The following CTNNBL1 variants were observed in gnomAD, a reference collection of about 807,000 sequenced individuals.
The protein encoded by CTNNBL1 is beta-catenin-like protein 1.
In CTNNBL1, 31 loss-of-function variants were observed where a neutral mutation model predicts 72.7. The ratio of observed to expected loss-of-function variants is 0.43; its 90% CI spans 0.32 to 0.58. The LOEUF (loss-of-function observed/expected upper bound fraction) is 0.58. Ranked by LOEUF, CTNNBL1 falls within the 20% of genes least tolerant of loss-of-function variation. The pLI is 0.08. For missense variants in CTNNBL1, 534 were observed against 725.1 expected, an observed-to-expected ratio of 0.74 and a Z score of 3.03; for synonymous variants, 240 against 267.3, an observed-to-expected ratio of 0.90 and a Z score of 1.00.
chr20:37,727,792 T>C (rs1162224535), intron 1 of CTNNBL1, among the ~76,000 whole-genome samples: 1 of 152,180 alleles, frequency 6.6e-6, no homozygotes, highest in Middle Eastern at 3.4e-3. Context: ...AGGCTGTGAG[T>C]GTTACATTCT....
In CTNNBL1 at chr20:37,821,342, G is replaced by T. The variant is rs6021143; in HGVS notation, c.1213+18294G>T. Among the ~76,000 whole-genome samples, 155 of 152,212 alleles carry T rather than the reference G, an allele frequency of 1.0e-3. 2 individuals are homozygous for T. Among genetic ancestry groups the T allele is most frequent in the African/African-American group, 3.5e-3 (146 of 41,526 alleles). Reference sequence around the variant, plus strand: ...AGAACTATGCCTTACGCGTGGGGGTGGATAGGAATCCCTTTTGTCCTTTAT... The same window carrying T: ...AGAACTATGCCTTACGCGTGGGGGTTGATAGGAATCCCTTTTGTCCTTTAT... On this transcript the variant is annotated intron_variant, in intron 11 of 15. Coordinates refer to ENST00000361383, the MANE Select transcript of CTNNBL1 (RefSeq NM_030877.5).
At chr20:37,787,735 T>C (rs1252618099) in intron 10 of CTNNBL1, among the ~76,000 whole-genome samples, 1 of 152,234 alleles carries the variant, frequency 6.6e-6, no homozygotes, top group African/African-American at 2.4e-5. Flanking sequence ...TTAGCCCTTT[T>C]CCTGTTTGTT....
intron 1 of CTNNBL1, among the ~76,000 whole-genome samples, chr20:37,698,243 C>T (rs1015278312): frequency 6.6e-6 from 1 of 152,242 alleles, no homozygotes; most frequent in African/African-American, 2.4e-5. Flanking sequence ...CCTCCTAAGT[C>T]TGCTACTGGA....
intron 1 of CTNNBL1, among the ~76,000 whole-genome samples, chr20:37,724,329 A>G (rs2073065041): frequency 6.6e-6 from 1 of 152,196 alleles, no homozygotes; most frequent in Non-Finnish European, 1.5e-5. Context: ...GGCATTGGGA[A>G]GGAAGAAATA....
intron 1 of CTNNBL1, among the ~76,000 whole-genome samples, chr20:37,732,040 G>C (rs184733060): frequency 9.3e-4 from 141 of 152,158 alleles, no homozygotes; most frequent in South Asian, 6.2e-4. Flanking sequence ...CAGTGCACAG[G>C]GTTCTCTTTT....
chr20:37,730,502 GA>G (rs2073119692), intron 1 of CTNNBL1, among the ~76,000 whole-genome samples: 1 of 152,220 alleles, frequency 6.6e-6, no homozygotes, highest in Non-Finnish European at 1.5e-5. Context: ...AAGGTTTAGA[GA>G]GGTAGGTGAT....
intron 3 of CTNNBL1, among the ~76,000 whole-genome samples, chr20:37,738,902 T>C (rs1011376432): frequency 2.0e-5 from 3 of 152,178 alleles, no homozygotes; most frequent in Non-Finnish European, 4.4e-5. Context: ...GCCAGCGTGG[T>C]CAACTATGTT....
At chr20:37,721,437 A>C (rs1244131357) in intron 1 of CTNNBL1, among the ~76,000 whole-genome samples, 2 of 152,262 alleles carry the variant, frequency 1.3e-5, no homozygotes, top group Non-Finnish European at 2.9e-5. Context: ...CTTAATCAAC[A>C]GTAACAATAT....
chr20:37,870,122 C>T (rs879282632), intron 15 of CTNNBL1, among the ~76,000 whole-genome samples: 1 of 151,934 alleles, frequency 6.6e-6, no homozygotes, highest in Admixed American at 6.6e-5. Context: ...GAGACAAGAA[C>T]ACAAGCCTGC....
chr20:37,813,486 T>G (rs915104407), intron 11 of CTNNBL1, among the ~76,000 whole-genome samples: 2 of 152,238 alleles, frequency 1.3e-5, no homozygotes, highest in Admixed American at 6.5e-5. Context: ...TTTCCGCTAA[T>G]TAGCCCAAAT....
At chr20:37,790,827 A>G (rs1016403119) in intron 10 of CTNNBL1, among the ~76,000 whole-genome samples, 39 of 152,218 alleles carry the variant, frequency 2.6e-4, no homozygotes, top group African/African-American at 6.3e-4. Flanking sequence ...TGCAATATGT[A>G]TAGACCCATC....
chr20:37,749,168 A>G (rs925163111), intron 4 of CTNNBL1, among the ~76,000 whole-genome samples: 2 of 152,224 alleles, frequency 1.3e-5, no homozygotes, highest in African/African-American at 4.8e-5. Flanking sequence ...AGTGCACCTC[A>G]GGTCTTCCTG....
intron 7 of CTNNBL1, among the ~76,000 whole-genome samples, chr20:37,773,820 A>G (rs1421261896): frequency 6.6e-6 from 1 of 151,166 alleles, no homozygotes. Flanking sequence ...TATGAGTTTC[A>G]TGTATTGACT....
At chr20:37,856,864 C>T (rs2235456) in intron 13 of CTNNBL1, among the ~76,000 whole-genome samples, 116,228 of 152,068 alleles carry the variant, frequency 0.76, 44,554 homozygotes, top group East Asian at 0.86. Context: ...GCTTCCCTTA[C>T]CTCCATTTTC....
intron 10 of CTNNBL1, among the ~76,000 whole-genome samples, chr20:37,795,678 T>C (rs1371428942): frequency 6.6e-6 from 1 of 152,214 alleles, no homozygotes; most frequent in Non-Finnish European, 1.5e-5. Context: ...TTTTCTTCTA[T>C]GTTTTTAGTT....
At chr20:37,868,677 G>A (rs766953531) in intron 15 of CTNNBL1, among the ~76,000 whole-genome samples, 6 of 152,164 alleles carry the variant, frequency 3.9e-5, no homozygotes, top group Admixed American at 1.3e-4. Context: ...TCTGTGTACC[G>A]TCGGCATATG....
At position 37,788,894 on chromosome 20, in the gene CTNNBL1, A is replaced by G. The variant is rs145193391; in HGVS notation, c.1031+9559A>G. On this transcript the variant is annotated intron_variant, in intron 10 of 15. Coordinates refer to ENST00000361383, the MANE Select transcript of CTNNBL1 (RefSeq NM_030877.5). The stretch of plus-strand genomic sequence containing the variant: ...TCTCCTCTAGTTTTCCCTGTCACAC[A>G]GGTGACTTTTCTCCATTCCTGTGTT... Among the ~76,000 whole-genome samples, 829 of 152,272 alleles carry G rather than the reference A, an allele frequency of 5.4e-3. 2 individuals carry two copies. Among genetic ancestry groups the G allele is most frequent in the Non-Finnish European group, 7.5e-3 (513 of 68,018 alleles).
chr20:37,741,882 CTT>C (rs2122614829), intron 3 of CTNNBL1, among the ~76,000 whole-genome samples: 1 of 152,208 alleles, frequency 6.6e-6, no homozygotes, highest in East Asian at 1.9e-4. Context: ...AATTTTCTGA[CTT>C]CCTAAACTTA....
chr20:37,860,284 G>T lies in CTNNBL1; in HGVS notation c.1543G>T (p.Val515Phe), dbSNP rs1300322795. The T allele has an allele frequency of 1.9e-6, 3 of 1,613,936 alleles. No homozygotes were observed. Among genetic ancestry groups the T allele is most frequent in the East Asian group, 2.2e-5 (1 of 44,902 alleles). ...NANVPQIRQR[V>F]HQILNMRGSS... The stretch of plus-strand genomic sequence containing the variant: ...TTTCCCTTATTAGATTCGCCAGAGG[G>T]TTCACCAGATCCTAAACATGCGAGG... Residue 515 changes from valine (V) to phenylalanine (F), a missense_variant, in exon 15 of 16, where the codon GTT (valine) becomes TTT (phenylalanine). Physicochemically the swap from Val to Phe is conservative, Grantham distance 50. Coordinates refer to ENST00000361383, the MANE Select transcript of CTNNBL1 (RefSeq NM_030877.5).
Sources: gnomAD v4.1 joint callset for allele counts (sites outside exome capture counted in the v4.1 genomes callset) on GRCh38, gnomAD v4.1.1 for gene constraint, MANE v1.5 for transcripts, NCBI Gene and HGNC (gene_info 2026-07-23, HGNC 2026-07-21) for gene names.